The following PELI2 variants were observed in gnomAD, a reference collection of about 807,000 sequenced individuals.
PELI2 encodes E3 ubiquitin-protein ligase pellino homolog 2.
PELI2 carries 23 observed loss-of-function variants against 42.3 expected under a neutral mutation model. The observed-to-expected ratio is 0.54, with a 90% CI of 0.39 to 0.77. PELI2 has a LOEUF of 0.77. Ranked by LOEUF, PELI2 falls within the 30% of genes least tolerant of loss-of-function variation. The pLI, the probability that PELI2 is intolerant of heterozygous loss-of-function variation, is 0.00. For missense variants in PELI2, 463 were observed against 553.2 expected (o/e 0.84, Z 1.64); for synonymous variants, 245 against 212.2 (o/e 1.15, Z -1.34).
At chr14:56,195,324 C>T (rs2139695576) in intron 2 of PELI2, among the ~76,000 whole-genome samples, 1 of 152,244 alleles carries the variant, frequency 6.6e-6, no homozygotes, top group East Asian at 1.9e-4. Context: ...ACCATTTTGC[C>T]ATTCTCATTT....
intron 1 of PELI2, among the ~76,000 whole-genome samples, chr14:56,167,628 C>G (rs879899317): frequency 5.3e-5 from 8 of 152,196 alleles, no homozygotes; most frequent in Non-Finnish European, 1.0e-4. Context: ...TTTGCATTCT[C>G]TGTGTGAAAG....
intron 5 of PELI2, among the ~76,000 whole-genome samples, chr14:56,291,146 G>C (rs1889814448): frequency 6.6e-6 from 1 of 152,220 alleles, no homozygotes; most frequent in Admixed American, 6.5e-5. Context: ...CACAGCCACT[G>C]ATTTTTAGTA....
chr14:56,148,847 C>T (rs1388895705), intron 1 of PELI2, among the ~76,000 whole-genome samples: 3 of 152,188 alleles, frequency 2.0e-5, no homozygotes, highest in Non-Finnish European at 4.4e-5. Context: ...AGAGTGAACA[C>T]TCCACAAGGA....
chr14:56,154,833 C>G (rs1026855362), intron 1 of PELI2, among the ~76,000 whole-genome samples: 3 of 152,156 alleles, frequency 2.0e-5, no homozygotes, highest in Admixed American at 6.5e-5. Context: ...ATGATTGTTG[C>G]TAAATTACTT....
At chr14:56,256,133 A>G (rs1888518917) in intron 2 of PELI2, among the ~76,000 whole-genome samples, 1 of 152,128 alleles carries the variant, frequency 6.6e-6, no homozygotes, top group South Asian at 2.1e-4. Flanking sequence ...GCAAGACAAA[A>G]AATACCATTT....
chr14:56,189,605 G>C (rs1248768465), intron 2 of PELI2, among the ~76,000 whole-genome samples: 1 of 152,162 alleles, frequency 6.6e-6, no homozygotes, highest in African/African-American at 2.4e-5. Context: ...ATTAATGTTA[G>C]CTAATATTAA....
intron 2 of PELI2, among the ~76,000 whole-genome samples, chr14:56,195,799 A>G (rs1281453163): frequency 6.6e-6 from 1 of 152,220 alleles, no homozygotes. Context: ...TCAGATGTCA[A>G]AAAGCCTAAT....
At chr14:56,170,680 T>C (rs1008521268) in intron 1 of PELI2, among the ~76,000 whole-genome samples, 1 of 152,222 alleles carries the variant, frequency 6.6e-6, no homozygotes, top group Admixed American at 6.5e-5. Flanking sequence ...GCAAATGTTA[T>C]TAATTCCCAT....
intron 2 of PELI2, among the ~76,000 whole-genome samples, chr14:56,251,030 G>A (rs763601698): frequency 8.5e-5 from 13 of 152,304 alleles, no homozygotes; most frequent in Non-Finnish European, 1.5e-4. Flanking sequence ...GCCACCCCAC[G>A]TTGAGCAGGG....
chr14:56,178,492 G>C (rs1171352159), intron 2 of PELI2, 28 bp downstream of exon 2: 1 of 1,613,048 alleles, frequency 6.2e-7, no homozygotes, highest in Admixed American at 1.7e-5. Context: ...GAGTTGGGAG[G>C]GTGCTGGCAA....
chr14:56,168,569 G>T (rs945173324), intron 1 of PELI2, among the ~76,000 whole-genome samples: 1 of 152,110 alleles, frequency 6.6e-6, no homozygotes, highest in Non-Finnish European at 1.5e-5. Context: ...CCTCAGGGCA[G>T]TGGGGTCCCC....
intron 1 of PELI2, among the ~76,000 whole-genome samples, chr14:56,151,744 T>C (rs1322580820): frequency 6.6e-6 from 1 of 152,232 alleles, no homozygotes; most frequent in Non-Finnish European, 1.5e-5. Flanking sequence ...AAGTTATAGT[T>C]ACTATCTGGA....
At chr14:56,168,419 C>T (rs1336411147) in intron 1 of PELI2, among the ~76,000 whole-genome samples, 1 of 152,176 alleles carries the variant, frequency 6.6e-6, no homozygotes, top group East Asian at 1.9e-4. Flanking sequence ...CCTTCCATTT[C>T]CAAAGGCAGA....
In PELI2 at chr14:56,288,657, C is replaced by T. The variant is rs751594226; in HGVS notation, c.507+23C>T. The T allele has an allele frequency of 2.1e-5, 33 of 1,554,496 alleles. No individual in the cohort carries two copies. The highest frequency in any genetic ancestry group is 2.7e-5 in the Non-Finnish European group (31 of 1,133,248). ...GGAGTAAGTACTGTCAAGAAGTACA[C>T]GATTTCTAGAAAAATGCTTGTGATT... is the stretch of plus-strand genomic sequence containing the variant. On this transcript the variant is annotated intron_variant, in intron 4 of 5. Transcript: ENST00000267460. This position sits in a 1 kb window ranked among gnomAD's most constrained non-coding sequence, Gnocchi z 4.6.
At chr14:56,175,501 A>G (rs1484968264) in intron 1 of PELI2, among the ~76,000 whole-genome samples, 1 of 152,246 alleles carries the variant, frequency 6.6e-6, no homozygotes, top group African/African-American at 2.4e-5. Flanking sequence ...CATTATGAAT[A>G]TTGAATGAAT....
At position 56,118,738 on chromosome 14, in the gene PELI2, G is replaced by A; in HGVS notation, c.77+1G>A. 6.6e-7 allele frequency: 1 copy of A among 1,520,764 alleles called. No homozygotes were observed. Among genetic ancestry groups the A allele is most frequent in the Non-Finnish European group, 8.8e-7 (1 of 1,131,760 alleles). The allele number at this position is 1,520,764 out of a possible 1,614,324, so 94.2% of individuals were successfully genotyped here. ...AATACGGGGAGCTGGTGGTGCTCGGGTGAGTCCTGGGGTCCCTGGTCCCGG... is the reference window on the plus strand; with the variant it reads ...AATACGGGGAGCTGGTGGTGCTCGGATGAGTCCTGGGGTCCCTGGTCCCGG... On this transcript the variant is annotated splice_donor_variant, in intron 1 of 5. Coordinates refer to ENST00000267460, the MANE Select transcript of PELI2 (RefSeq NM_021255.3). LOFTEE classifies it high-confidence loss of function.
At chr14:56,137,235 G>A (rs1349312070) in intron 1 of PELI2, among the ~76,000 whole-genome samples, 1 of 151,844 alleles carries the variant, frequency 6.6e-6, no homozygotes, top group Non-Finnish European at 1.5e-5. Flanking sequence ...AGGCTGTTGA[G>A]TGTGTATAGT....
chr14:56,192,241 T>G (rs896502639), intron 2 of PELI2, among the ~76,000 whole-genome samples: 1 of 152,244 alleles, frequency 6.6e-6, no homozygotes, highest in African/African-American at 2.4e-5. Context: ...TGAAATTTCT[T>G]GCATTTTGTC....
At chr14:56,233,273 C>T (rs1279059032) in intron 2 of PELI2, among the ~76,000 whole-genome samples, 2 of 151,978 alleles carry the variant, frequency 1.3e-5, no homozygotes, top group East Asian at 3.9e-4. Context: ...CACATGGAAC[C>T]GAAAAAAGAG....
Sources: allele counts gnomAD v4.1 joint callset (sites outside exome capture counted in the v4.1 genomes callset), GRCh38; gene constraint gnomAD v4.1.1; non-coding constraint Gnocchi (gnomAD v3.1); transcripts MANE v1.5; gene names NCBI Gene and HGNC (gene_info 2026-07-23, HGNC 2026-07-21).